WDR86: variants seen among roughly 807,000 people sequenced by gnomAD.
The protein encoded by WDR86 is WD repeat-containing protein 86.
A neutral mutation model predicts 36.5 loss-of-function variants in WDR86; 30 were observed. The observed-to-expected ratio is 0.82, with a 90% CI of 0.61 to 1.11. The LOEUF (loss-of-function observed/expected upper bound fraction) is 1.11, where lower values mean the gene tolerates loss of function less well. Among genes scored for constraint, WDR86 ranks in the 50% most tolerant of loss-of-function variants. The pLI is 0.00. For synonymous variants in WDR86, 255 were observed against 252.9 expected, an observed-to-expected ratio of 1.01 and a Z score of -0.08; for missense variants, 545 against 561.2, an observed-to-expected ratio of 0.97 and a Z score of 0.29.
At chr7:151,383,752 T>A (rs1798780721) in intron 4 of WDR86, among the ~76,000 whole-genome samples, 1 of 152,350 alleles carries the variant, frequency 6.6e-6, no homozygotes, top group East Asian at 1.9e-4. Flanking sequence ...AAACCCAGTG[T>A]GGCTGCTGAG....
At chr7:151,393,412 C>A (rs892976688) in intron 3 of WDR86, among the ~76,000 whole-genome samples, 8 of 152,134 alleles carry the variant, frequency 5.3e-5, no homozygotes, top group African/African-American at 1.7e-4. Context: ...AGCACTGAGA[C>A]CCTACAGAAT....
In WDR86 at chr7:151,381,510, C is replaced by G. The variant is rs755741404; in HGVS notation, c.*72G>C. 12 of 1,447,850 alleles carry G rather than the reference C, an allele frequency of 8.3e-6. No individual in the cohort carries two copies. The South Asian group carries it at 1.2e-4, about 15-fold the overall frequency. 89.7% of individuals were successfully genotyped at this position (1,447,850 alleles called of 1,614,324 possible). A position where few individuals can be genotyped will look rare whatever the true frequency, so the allele number is the denominator to read the frequency against. On this transcript the variant is annotated 3_prime_UTR_variant, in exon 6 of 6. Transcript: ENST00000334493. This position sits in a 1 kb window ranked among gnomAD's most constrained non-coding sequence, Gnocchi z 4.8. Reference sequence around the variant, plus strand: ...CTCGCCGGCCATCGGGCGCCACCACCGCGGGTAGCAGGGCGGGGCGCTCTG... The same window carrying G: ...CTCGCCGGCCATCGGGCGCCACCACGGCGGGTAGCAGGGCGGGGCGCTCTG...
chr7:151,374,047 G>A (rs1335998878), downstream of WDR86: 4 of 1,513,674 alleles, frequency 2.6e-6, no homozygotes, highest in South Asian at 1.3e-5. Flanking sequence ...CTGAGAGGCT[G>A]TGAAATCTCA....
intron 1 of WDR86, among the ~76,000 whole-genome samples, chr7:151,402,062 AAAAAAAAAAT>A (rs1025172584): frequency 2.6e-5 from 2 of 75,506 alleles, no homozygotes; most frequent in South Asian, 3.3e-4. Context: ...AAAAAAAAAA[AAAAAAAAAAT>A]ATATATATAT....
In WDR86 at chr7:151,385,075, C is replaced by T; in HGVS notation, c.862+13G>A. 3 of 1,585,756 alleles carry T rather than the reference C, an allele frequency of 1.9e-6. No individual in the cohort carries two copies. The East Asian group carries it at 6.7e-5, about 36-fold the overall frequency. Reference sequence around the variant, plus strand: ...CTGGGGTGGCACAGGTCGTGCAGGGCCAAGTCACTTACAGGTGCCCGCGTG... The same window carrying T: ...CTGGGGTGGCACAGGTCGTGCAGGGTCAAGTCACTTACAGGTGCCCGCGTG... On this transcript the variant is annotated intron_variant, in intron 4 of 5. Coordinates refer to ENST00000334493, the MANE Select transcript of WDR86 (RefSeq NM_198285.3).
rs1322524285 is a variant in WDR86, at chr7:151,400,245, C to A, written c.164-4G>T. On this transcript the variant is annotated splice_region_variant and splice_polypyrimidine_tract_variant and intron_variant, in intron 1 of 5. Coordinates refer to ENST00000334493, the MANE Select transcript of WDR86 (RefSeq NM_198285.3). ...AAGGTCACATAGCTTTCATGTCCTG[C>A]AGATGAGGGACAGGGGAGATGTGAG... is the stretch of plus-strand genomic sequence containing the variant. 1.3e-6 allele frequency: 2 copies of A among 1,598,956 alleles called. No homozygotes were observed. Among genetic ancestry groups the A allele is most frequent in the East Asian group, 2.3e-5 (1 of 44,316 alleles).
In WDR86 at chr7:151,406,718, C is replaced by T. The variant is rs1385042335; in HGVS notation, c.163+2709G>A. Among the ~76,000 whole-genome samples, 2 of 152,154 alleles carry T rather than the reference C, an allele frequency of 1.3e-5. No individual in the cohort carries two copies. The highest frequency in any genetic ancestry group is 2.9e-5 in the Non-Finnish European group (2 of 68,036). On this transcript the variant is annotated intron_variant, in intron 1 of 5. Coordinates refer to ENST00000334493, the MANE Select transcript of WDR86 (RefSeq NM_198285.3). The surrounding 1 kb of genome is among the most constrained non-coding windows in gnomAD (Gnocchi z 4.4). ...CGAGGGATGTTGGCGACAGCACCCACCCCATTATCGATGGTATCTAGAAAA... is the reference window on the plus strand; with the variant it reads ...CGAGGGATGTTGGCGACAGCACCCATCCCATTATCGATGGTATCTAGAAAA...
intron 4 of WDR86, among the ~76,000 whole-genome samples, chr7:151,383,990 C>T (rs1433051523): frequency 6.6e-6 from 1 of 152,184 alleles, no homozygotes; most frequent in Non-Finnish European, 1.5e-5. Flanking sequence ...GGAACAGAGC[C>T]GTAACCACAC....
At chr7:151,386,590 A>G (rs1798999078) in intron 3 of WDR86, among the ~76,000 whole-genome samples, 1 of 152,190 alleles carries the variant, frequency 6.6e-6, no homozygotes, top group Non-Finnish European at 1.5e-5. Flanking sequence ...GCAGGGTTCC[A>G]GAACATTCCT....
chr7:151,374,360 C>T (rs1047116433), downstream of WDR86: 10 of 1,321,864 alleles, frequency 7.6e-6, no homozygotes, highest in African/African-American at 4.4e-5. Context: ...CCCCGTCATC[C>T]GGATCTGAAG....
chr7:151,401,931 C>A lies in WDR86; in HGVS notation c.164-1690G>T, dbSNP rs897278649. Among the ~76,000 whole-genome samples the A allele has an allele frequency of 1.3e-5, 2 of 149,680 alleles. No individual in the cohort carries two copies. The highest frequency in any genetic ancestry group is 3.0e-5 in the Non-Finnish European group (2 of 67,468). ...GGGCGTGGTGGTGGGCGCCTGTAAT[C>A]CCAGCTACTCGGGAGGCTGAGGCAG... is the stretch of plus-strand genomic sequence containing the variant. On this transcript the variant is annotated intron_variant, in intron 1 of 5. Coordinates refer to ENST00000334493, the MANE Select transcript of WDR86 (RefSeq NM_198285.3). The surrounding 1 kb of genome is among the most constrained non-coding windows in gnomAD (Gnocchi z 4.3).
downstream of WDR86, chr7:151,378,022 C>G (rs1337203247): frequency 2.0e-5 from 3 of 152,214 alleles, no homozygotes; most frequent in African/African-American, 7.2e-5. Context: ...GCTAAGAGAC[C>G]TATCAGAGAT....
At chr7:151,387,051 T>C (rs1157126667) in intron 3 of WDR86, among the ~76,000 whole-genome samples, 1 of 152,136 alleles carries the variant, frequency 6.6e-6, no homozygotes, top group Non-Finnish European at 1.5e-5. Context: ...TTCCTGGCCA[T>C]CTCCCCAACA....
At position 151,396,542 on chromosome 7, in the gene WDR86, G is replaced by T. The variant is rs189728701; in HGVS notation, c.306-346C>A. ...GGTAGGGGAGCAGCGGGAAGCGGGT[G>T]GGGGGGAAGGTAGGGGAGCACGGCC... is the stretch of plus-strand genomic sequence containing the variant. On this transcript the variant is annotated intron_variant, in intron 2 of 5. Coordinates refer to ENST00000334493, the MANE Select transcript of WDR86 (RefSeq NM_198285.3). Among the ~76,000 whole-genome samples, 637 of 147,514 alleles carry T rather than the reference G, an allele frequency of 4.3e-3. 4 individuals carry two copies. The highest frequency in any genetic ancestry group is 0.016 in the African/African-American group (595 of 37,202).
intron 1 of WDR86, among the ~76,000 whole-genome samples, chr7:151,404,787 C>G (rs62479784): frequency 0.14 from 20,699 of 152,270 alleles, 1,695 homozygotes; most frequent in Admixed American, 0.21. Flanking sequence ...ACCCTGGGGA[C>G]TCGCTGGAAG....
At chr7:151,375,491 A>G (rs1342046897), downstream of WDR86, among the ~76,000 whole-genome samples, 1 of 152,246 alleles carries the variant, frequency 6.6e-6, no homozygotes, top group Non-Finnish European at 1.5e-5. Context: ...TTTTAAGTCT[A>G]GAGGGCATGA....
downstream of WDR86, chr7:151,378,059 G>A (rs1004080185): frequency 6.6e-6 from 1 of 152,208 alleles, no homozygotes; most frequent in African/African-American, 2.4e-5. Flanking sequence ...CAGGTTTTTT[G>A]TGGGTTTTCT....
intron 1 of WDR86, among the ~76,000 whole-genome samples, chr7:151,404,760 C>G (rs1320612939): frequency 6.6e-6 from 1 of 152,216 alleles, no homozygotes. Flanking sequence ...GGTTTTCTGC[C>G]AAGGTAGCGC....
chr7:151,386,116 G>A (rs1180749198), intron 3 of WDR86, among the ~76,000 whole-genome samples: 1 of 152,168 alleles, frequency 6.6e-6, no homozygotes, highest in South Asian at 2.1e-4. Flanking sequence ...GTCAGAAGCG[G>A]GTCAGGCACA....
Sources: allele counts gnomAD v4.1 joint callset (sites outside exome capture counted in the v4.1 genomes callset), GRCh38; gene constraint gnomAD v4.1.1; non-coding constraint Gnocchi (gnomAD v3.1); transcripts MANE v1.5; gene names NCBI Gene and HGNC (gene_info 2026-07-23, HGNC 2026-07-21).